Variants in MYH9 observed in about 807,000 individuals in gnomAD.
MYH9 encodes the protein myosin heavy chain 9, also known as myosin-9.
Under a neutral mutation model 241.9 loss-of-function variants are expected in MYH9, and 29 were observed. The ratio of observed to expected loss-of-function variants is 0.12; its 90% CI spans 0.09 to 0.16. The LOEUF is 0.16. Ranked by LOEUF, MYH9 falls within the 10% of genes least tolerant of loss-of-function variation. The probability of loss-of-function intolerance (pLI) is 1.00; values close to 1 mark genes in which losing one functional copy is unlikely to be tolerated. For synonymous variants in MYH9, 1,047 were observed against 1,062.6 expected (o/e 0.99, Z 0.29); for missense variants, 1,803 against 2,595.5 (o/e 0.69, Z 6.63).
At chr22:36,379,917 G>C (rs1009779568) in intron 1 of MYH9, among the ~76,000 whole-genome samples, 8 of 152,258 alleles carry the variant, frequency 5.3e-5, no homozygotes, top group Non-Finnish European at 1.2e-4. Context: ...GGGAACCTGA[G>C]TAATTCCAAC....
rs965244295 is a variant in MYH9 at position 36,387,907 on chromosome 22, G to A, written c.-120C>T. 1 of 152,226 alleles carries A rather than the reference G, an allele frequency of 6.6e-6. No individual in the cohort carries two copies. The highest frequency in any genetic ancestry group is 6.5e-5 in the Admixed American group (1 of 15,290). 9.4% of individuals were successfully genotyped at this position (152,226 alleles called of 1,614,324 possible). A position where few individuals can be genotyped will look rare whatever the true frequency, so the allele number is the denominator to read the frequency against. On this transcript the variant is annotated 5_prime_UTR_variant, in exon 1 of 41. Coordinates refer to ENST00000216181, the MANE Select transcript of MYH9 (RefSeq NM_002473.6). ...GGTGGGGCGAGCGCACGAGGCGGGA[G>A]CTGCAGCAGGTCAGCCTTGCTTAGC...
At chr22:36,299,112 G>T in intron 23 of MYH9, 70 bp from the exon 24 acceptor site, 2 of 1,603,308 alleles carry the variant, frequency 1.2e-6, no homozygotes, top group South Asian at 2.2e-5. Flanking sequence ...CTCAAAGCAT[G>T]ACTCGCCCGG....
intron 3 of MYH9, among the ~76,000 whole-genome samples, chr22:36,336,720 C>T: frequency 6.6e-6 from 1 of 152,232 alleles, no homozygotes. Context: ...CACACCACCG[C>T]CTTTCTGCAA....
chr22:36,340,897 T>C (rs1000185663), intron 3 of MYH9, among the ~76,000 whole-genome samples: 2 of 151,948 alleles, frequency 1.3e-5, no homozygotes, highest in Non-Finnish European at 2.9e-5. Flanking sequence ...TTCACTGCGA[T>C]GGAACAGAAG....
intron 11 of MYH9, 136 bp from the exon 12 acceptor site, chr22:36,316,805 A>G: frequency 1.1e-6 from 1 of 903,424 alleles, no homozygotes; most frequent in Non-Finnish European, 1.7e-6. Context: ...AAAAAAAAAA[A>G]TCTTCGTACA....
Position 36,306,659 on chromosome 22 carries a change from G to A in MYH9, c.1844-52C>T, listed in dbSNP as rs767170493. 6.4e-7 allele frequency: 1 copy of A among 1,562,452 alleles called. No individual in the cohort carries two copies. Among genetic ancestry groups the A allele is most frequent in the Non-Finnish European group, 8.7e-7 (1 of 1,146,914 alleles). On this transcript the variant is annotated intron_variant, in intron 15 of 40. Coordinates refer to ENST00000216181, the MANE Select transcript of MYH9 (RefSeq NM_002473.6). The surrounding 1 kb of genome is among the most constrained non-coding windows in gnomAD (Gnocchi z 4.1). ...GTGCCCACACAGTTGCAGCTGGGTG[G>A]TGGGGGAGCACGTAGGAGAGAGAGA... is the stretch of plus-strand genomic sequence containing the variant.
rs75692845 is a variant in MYH9, at chr22:36,345,640, C to T, written c.333+3264G>A. On this transcript the variant is annotated intron_variant, in intron 2 of 40. Transcript: ENST00000216181. ...GTCTGCCATTCATTTATTTGCAAGT[C>T]ACTAATTCTGAATTTCAGTGGTTAA... Among the ~76,000 whole-genome samples the T allele has an allele frequency of 7.2e-3, 1,093 of 152,280 alleles. 30 individuals carry two copies. The highest frequency in any genetic ancestry group is 0.062 in the East Asian group (321 of 5,182).
chr22:36,346,034 C>T (rs1422897547), intron 2 of MYH9, among the ~76,000 whole-genome samples: 1 of 152,050 alleles, frequency 6.6e-6, no homozygotes, highest in East Asian at 1.9e-4. Context: ...GTAGTTGCAG[C>T]TACTCAGGAG....
chr22:36,303,784 C>CAAAAAAAAAAA (rs56983008), intron 19 of MYH9, among the ~76,000 whole-genome samples: 8 of 48,324 alleles, frequency 1.7e-4, no homozygotes, highest in African/African-American at 2.2e-4. Flanking sequence ...GACTCCGTCT[C>CAAAAAAAAAAA]AAAAAAAAAA....
rs763903591 is a variant in MYH9 at position 36,288,249 on chromosome 22, T to C, written c.4932+3A>G. 6 of 1,613,656 alleles carry C rather than the reference T, an allele frequency of 3.7e-6. No homozygotes were observed. The highest frequency in any genetic ancestry group is 5.1e-6 in the Non-Finnish European group (6 of 1,179,968). On this transcript the variant is annotated splice_donor_region_variant and intron_variant, in intron 34 of 40. Transcript: ENST00000216181. The surrounding 1 kb of genome is among the most constrained non-coding windows in gnomAD (Gnocchi z 4.8). ...CCCTCACCTGGGCCCCGCCCACCCT[T>C]ACCTGCAGCTTCCGCAGCTGTTTGA... is the stretch of plus-strand genomic sequence containing the variant.
chr22:36,328,414 G>A (rs927454198), intron 3 of MYH9, among the ~76,000 whole-genome samples: 4 of 152,200 alleles, frequency 2.6e-5, no homozygotes, highest in African/African-American at 7.2e-5. Flanking sequence ...ATTTTTTTCC[G>A]TTTTATCCCG....
chr22:36,384,306 G>A (rs2018304933), intron 1 of MYH9, among the ~76,000 whole-genome samples: 1 of 150,478 alleles, frequency 6.6e-6, no homozygotes, highest in East Asian at 2.0e-4. Flanking sequence ...ATATGAGCCG[G>A]GCACGGTGGC....
At chr22:36,304,890 CAG>C in intron 18 of MYH9, 141 bp downstream of exon 18, 1 of 834,186 alleles carries the variant, frequency 1.2e-6, no homozygotes, top group Non-Finnish European at 2.0e-6. Context: ...GGGCGCCCGG[CAG>C]AGTCAGACGC....
chr22:36,353,969 C>G (rs894463022), intron 1 of MYH9, among the ~76,000 whole-genome samples: 10 of 152,202 alleles, frequency 6.6e-5, no homozygotes, highest in Admixed American at 5.2e-4. Context: ...GGCACGATCT[C>G]GGCTCACTGC....
intron 2 of MYH9, 152 bp from the exon 3 acceptor site, chr22:36,341,678 G>C: frequency 1.2e-6 from 1 of 836,250 alleles, no homozygotes. Flanking sequence ...CAGTGGCCCA[G>C]CTCCCGCAGC....
In MYH9 at chr22:36,301,499, C is replaced by T. The variant is rs574087716; in HGVS notation, c.2631+35G>A. Reference sequence around the variant, plus strand: ...CAGCAGGTGGCAGCACCAGGCAGGTCGTGCGACCTGGACTGAGCCTGCACT... The same window carrying T: ...CAGCAGGTGGCAGCACCAGGCAGGTTGTGCGACCTGGACTGAGCCTGCACT... On this transcript the variant is annotated intron_variant, in intron 21 of 40. Transcript: ENST00000216181. The T allele has an allele frequency of 2.5e-6, 4 of 1,611,024 alleles. No individual in the cohort carries two copies. The South Asian group carries it at 3.3e-5, about 13-fold the overall frequency.
At chr22:36,310,233 G>A (rs2017039785) in intron 14 of MYH9, among the ~76,000 whole-genome samples, 2 of 148,154 alleles carry the variant, frequency 1.3e-5, no homozygotes, top group Admixed American at 1.4e-4. Flanking sequence ...TCGTGCCACT[G>A]TACTCTAGCC....
At position 36,300,278 on chromosome 22, in the gene MYH9, G is replaced by C. The variant is rs750337577; in HGVS notation, c.2839-14C>G. 1 of 1,612,008 alleles carries C rather than the reference G, an allele frequency of 6.2e-7. No individual in the cohort carries two copies. The highest frequency in any genetic ancestry group is 2.2e-5 in the East Asian group (1 of 44,876). Reference sequence around the variant, plus strand: ...CTCCTCAAGCTCCTGCCGGGGGCCAGAGACACGGTAAGGACAGCAGGCCCA... The same window carrying C: ...CTCCTCAAGCTCCTGCCGGGGGCCACAGACACGGTAAGGACAGCAGGCCCA... On this transcript the variant is annotated splice_polypyrimidine_tract_variant and intron_variant, in intron 22 of 40. Transcript: ENST00000216181. The surrounding 1 kb of genome is among the most constrained non-coding windows in gnomAD (Gnocchi z 5.0).
intron 1 of MYH9, among the ~76,000 whole-genome samples, chr22:36,373,285 T>G (rs2018116242): frequency 6.6e-6 from 1 of 152,104 alleles, no homozygotes; most frequent in Admixed American, 6.5e-5. Context: ...ACTGCCACCC[T>G]CGGTAGGGTC....
Sources: allele counts gnomAD v4.1 joint callset (sites outside exome capture counted in the v4.1 genomes callset), GRCh38; gene constraint gnomAD v4.1.1; non-coding constraint Gnocchi (gnomAD v3.1); transcripts MANE v1.5; gene names NCBI Gene and HGNC (gene_info 2026-07-23, HGNC 2026-07-21).